Variants in METAP1D observed in about 807,000 individuals in gnomAD.
METAP1D encodes the protein methionine aminopeptidase 1D, mitochondrial.
METAP1D carries 31 observed loss-of-function variants against 40.5 expected under a neutral mutation model. The observed-to-expected ratio is 0.77, with a 90% CI of 0.58 to 1.03. The LOEUF (loss-of-function observed/expected upper bound fraction) is 1.03. Among genes scored for constraint, METAP1D ranks in the 50% least tolerant of loss-of-function variants. METAP1D has a pLI of 0.00. For missense variants in METAP1D, 411 were observed against 420.7 expected (o/e 0.98, Z 0.20); for synonymous variants, 151 against 146.4 (o/e 1.03, Z -0.22).
At chr2:172,055,041 T>C (rs1689971028) in intron 1 of METAP1D, among the ~76,000 whole-genome samples, 1 of 152,222 alleles carries the variant, frequency 6.6e-6, no homozygotes, top group Non-Finnish European at 1.5e-5. Context: ...CTCCTCACTG[T>C]TCTGGGCTCT....
chr2:172,058,956 T>C (rs1690062552), intron 1 of METAP1D, among the ~76,000 whole-genome samples: 2 of 152,126 alleles, frequency 1.3e-5, no homozygotes, highest in South Asian at 4.1e-4. Context: ...ACAGCTGAAA[T>C]GTTACTCTAG....
intron 3 of METAP1D, chr2:172,064,081 A>C (rs1237170492): frequency 5.9e-6 from 3 of 505,220 alleles, no homozygotes; most frequent in Non-Finnish European, 9.1e-6. Context: ...TAAAATCCAA[A>C]TTCAATTTTA....
At chr2:172,016,535 T>C (rs1688869820) in intron 1 of METAP1D, among the ~76,000 whole-genome samples, 1 of 151,428 alleles carries the variant, frequency 6.6e-6, no homozygotes, top group African/African-American at 2.4e-5. Context: ...GTGGGAGGAT[T>C]GCTTGAGCTG....
At chr2:172,027,603 T>C (rs1689146565) in intron 1 of METAP1D, among the ~76,000 whole-genome samples, 1 of 152,262 alleles carries the variant, frequency 6.6e-6, no homozygotes, top group Non-Finnish European at 1.5e-5. Context: ...TTTGTGTGTG[T>C]AAGGATATGA....
In METAP1D at chr2:172,063,771, G is replaced by A; in HGVS notation, c.259G>A (p.Glu87Lys). The change falls in exon 3 of 10, where the codon GAA (glutamate) becomes AAA (lysine). Residue 87 changes from glutamate to lysine, a missense_variant. Glu to Lys is a moderately conservative substitution (Grantham distance 56). Transcript: ENST00000315796. Reference sequence around the variant, plus strand: ...TGTACCAGACTGGGGAGACAGCATAGAAGTTAAGAATGAAGATCAGATTCA... The same window carrying A: ...TGTACCAGACTGGGGAGACAGCATAAAAGTTAAGAATGAAGATCAGATTCA... Reference protein sequence around the residue: ...GIVPDWGDSIEVKNEDQIQGL... With the variant: ...GIVPDWGDSIKVKNEDQIQGL... The A allele has an allele frequency of 6.2e-7, 1 of 1,614,120 alleles. No homozygotes were observed. Among genetic ancestry groups the A allele is most frequent in the Non-Finnish European group, 8.5e-7 (1 of 1,180,018 alleles).
At chr2:172,010,142 CTTTTT>C (rs570964028) in intron 1 of METAP1D, among the ~76,000 whole-genome samples, 1 of 134,364 alleles carries the variant, frequency 7.4e-6, no homozygotes. Context: ...TTTGTCCCTT[CTTTTT>C]TTTTTTTTTT....
chr2:172,034,004 G>A (rs1689308026), intron 1 of METAP1D, among the ~76,000 whole-genome samples: 1 of 150,520 alleles, frequency 6.6e-6, no homozygotes, highest in Non-Finnish European at 1.5e-5. Context: ...TTGAACCCAG[G>A]AGGCGGAGGT....
At position 172,081,214 on chromosome 2, in the gene METAP1D, A is replaced by G. The variant is rs1345943608; in HGVS notation, c.*808A>G. 1 of 136,978 alleles carries G rather than the reference A, an allele frequency of 7.3e-6. No homozygotes were observed. Among genetic ancestry groups the G allele is most frequent in the Non-Finnish European group, 1.5e-5 (1 of 64,666 alleles). 8.5% of individuals were successfully genotyped at this position (136,978 alleles called of 1,614,324 possible). ...GCACGCACGCTAGACCGTTTGCTGC[A>G]CTAGGAATTCGAGCTTGGGCCCCAC... On this transcript the variant is annotated 3_prime_UTR_variant, in exon 10 of 10. Coordinates refer to ENST00000315796, the MANE Select transcript of METAP1D (RefSeq NM_199227.3).
rs1303806119 is a variant in METAP1D, at chr2:172,065,584, T to C, written c.349-20T>C. The C allele has an allele frequency of 5.0e-6, 8 of 1,611,410 alleles. No individual in the cohort carries two copies. The highest frequency in any genetic ancestry group is 2.7e-5 in the African/African-American group (2 of 74,832). On this transcript the variant is annotated intron_variant, in intron 3 of 9. Coordinates refer to ENST00000315796, the MANE Select transcript of METAP1D (RefSeq NM_199227.3). ...ATGTCTTCAATTGTTGCTGCACAAT[T>C]TCTTTATTTAACATTTTAGGTTGAC...
intron 1 of METAP1D, among the ~76,000 whole-genome samples, chr2:172,038,797 A>G (rs556642730): frequency 2.5e-4 from 38 of 152,192 alleles, no homozygotes; most frequent in Non-Finnish European, 4.1e-4. Flanking sequence ...TCAGTTTGCC[A>G]TTTATGCAGT....
chr2:172,018,743 C>G (rs6719012), intron 1 of METAP1D, among the ~76,000 whole-genome samples: 2 of 151,440 alleles, frequency 1.3e-5, no homozygotes, highest in African/African-American at 2.4e-5. Context: ...CCCATCCCCC[C>G]CTCACCCCAC....
At chr2:172,036,199 C>A (rs913884370) in intron 1 of METAP1D, among the ~76,000 whole-genome samples, 5 of 150,308 alleles carry the variant, frequency 3.3e-5, no homozygotes, top group Non-Finnish European at 5.9e-5. Flanking sequence ...TGCCTGTAGT[C>A]CCAGCTACTT....
intron 1 of METAP1D, among the ~76,000 whole-genome samples, chr2:172,013,632 C>T (rs1470421172): frequency 1.3e-5 from 2 of 151,898 alleles, no homozygotes; most frequent in Non-Finnish European, 2.9e-5. Flanking sequence ...AGATGCTGGT[C>T]ACTGAAATGA....
chr2:172,022,468 G>A (rs894120540), intron 1 of METAP1D, among the ~76,000 whole-genome samples: 6 of 152,006 alleles, frequency 3.9e-5, no homozygotes, highest in Admixed American at 1.3e-4. Flanking sequence ...TGATTGCTGC[G>A]TACAAAAAGA....
chr2:172,077,073 A>G (rs1172502577), intron 6 of METAP1D, among the ~76,000 whole-genome samples: 1 of 152,246 alleles, frequency 6.6e-6, no homozygotes, highest in African/African-American at 2.4e-5. Context: ...TTCTCCACAT[A>G]CATGTAATGA....
At chr2:172,028,146 G>T (rs1394245801) in intron 1 of METAP1D, among the ~76,000 whole-genome samples, 2 of 150,098 alleles carry the variant, frequency 1.3e-5, no homozygotes, top group Non-Finnish European at 3.0e-5. Flanking sequence ...AGCTAAGAGG[G>T]TGCCAGTAAC....
intron 1 of METAP1D, among the ~76,000 whole-genome samples, chr2:172,041,329 T>G (rs879589211): frequency 8.5e-6 from 1 of 117,746 alleles, no homozygotes; most frequent in Non-Finnish European, 2.0e-5. Flanking sequence ...CGTGGTGGTG[T>G]GCACCTATAG....
intron 3 of METAP1D, 140 bp from the exon 4 acceptor site, chr2:172,065,460 ATAAT>A: frequency 6.2e-6 from 5 of 812,398 alleles, no homozygotes; most frequent in Non-Finnish European, 9.5e-6. Flanking sequence ...AACACTAATC[ATAAT>A]TAATTCAAAT....
intron 1 of METAP1D, among the ~76,000 whole-genome samples, chr2:172,016,150 C>T (rs1688847578): frequency 1.4e-5 from 2 of 144,748 alleles, no homozygotes; most frequent in African/African-American, 5.1e-5. Context: ...GTCACATGTG[C>T]CTGTAATCCC....
Sources: allele counts gnomAD v4.1 joint callset (sites outside exome capture counted in the v4.1 genomes callset), GRCh38; gene constraint gnomAD v4.1.1; transcripts MANE v1.5; gene names NCBI Gene and HGNC (gene_info 2026-07-23, HGNC 2026-07-21).